CLTCL1: variants seen among roughly 807,000 people sequenced by gnomAD.
CLTCL1 encodes the protein clathrin heavy chain 2.
Under a neutral mutation model 190.0 loss-of-function variants are expected in CLTCL1, and 159 were observed. That is an observed-to-expected ratio of 0.84 (90% confidence interval 0.74 to 0.95). The LOEUF (loss-of-function observed/expected upper bound fraction) is 0.95, where lower values mean the gene tolerates loss of function less well. Ranked by LOEUF, CLTCL1 falls within the 40% of genes least tolerant of loss-of-function variation. The pLI, the probability that CLTCL1 is intolerant of heterozygous loss-of-function variation, is 0.00. For missense variants in CLTCL1, 1,878 were observed against 2,033.4 expected, an observed-to-expected ratio of 0.92 and a Z score of 1.47; for synonymous variants, 752 against 769.6, an observed-to-expected ratio of 0.98 and a Z score of 0.38.
intron 13 of CLTCL1, among the ~76,000 whole-genome samples, chr22:19,225,145 C>T (rs769797136): frequency 4.6e-5 from 7 of 152,326 alleles, no homozygotes; most frequent in East Asian, 1.9e-4. Flanking sequence ...ACTGTACCCA[C>T]GACACAGGCT....
chr22:19,187,935 G>GA (rs781968207), intron 28 of CLTCL1, 46 bp downstream of exon 28: 261 of 1,559,972 alleles, frequency 1.7e-4, no homozygotes, highest in Non-Finnish European at 2.1e-4. Flanking sequence ...AGTTGCAGGG[G>GA]AGGAGCCCAG....
intron 26 of CLTCL1, among the ~76,000 whole-genome samples, chr22:19,191,705 A>T (rs1371445478): frequency 6.6e-6 from 1 of 152,102 alleles, no homozygotes; most frequent in Non-Finnish European, 1.5e-5. Context: ...AGGGTCCACG[A>T]TCACTCAGTA....
rs1041665106 is a variant in CLTCL1, at chr22:19,216,113, G to A, written c.3063C>T (p.His1021=). Reference sequence around the variant, plus strand: ...AGCTACCCCTGGCATAGCCTCACCTGTGCTCGCTGAAGACAGAGTTATCCA... The same window carrying A: ...AGCTACCCCTGGCATAGCCTCACCTATGCTCGCTGAAGACAGAGTTATCCA... ...IVLDNSVFSE[H]RNLQNLLILT... Residue 1021 remains histidine (H), a splice_region_variant and synonymous_variant, in exon 19 of 33, where the codon CAC becomes CAT. Transcript: ENST00000427926. 3 of 1,613,556 alleles carry A rather than the reference G, an allele frequency of 1.9e-6. No homozygotes were observed. The highest frequency in any genetic ancestry group is 1.7e-4 in the Middle Eastern group (1 of 6,050).
At chr22:19,227,449 CTTT>C (rs1216657802) in intron 11 of CLTCL1, among the ~76,000 whole-genome samples, 4 of 125,316 alleles carry the variant, frequency 3.2e-5, no homozygotes, top group Admixed American at 8.1e-5. Flanking sequence ...CACCTGGCTA[CTTT>C]TTTTTTTTTT....
intron 2 of CLTCL1, chr22:19,258,317 G>T: frequency 2.5e-6 from 1 of 402,282 alleles, no homozygotes; most frequent in Non-Finnish European, 4.8e-6. Context: ...TAGAGAAGCT[G>T]GACAGGTACT....
intron 1 of CLTCL1, among the ~76,000 whole-genome samples, chr22:19,282,748 T>G (rs1475440683): frequency 1.3e-5 from 2 of 151,664 alleles, no homozygotes; most frequent in Non-Finnish European, 2.9e-5. Context: ...TACAGGACAA[T>G]CCCACAAAAA....
intron 1 of CLTCL1, among the ~76,000 whole-genome samples, chr22:19,289,379 G>A (rs1255037735): frequency 6.6e-6 from 1 of 152,212 alleles, no homozygotes; most frequent in Non-Finnish European, 1.5e-5. Context: ...GTTAAAAAAT[G>A]TAAGAATATG....
intron 13 of CLTCL1, among the ~76,000 whole-genome samples, chr22:19,224,737 C>T (rs1569193277): frequency 6.6e-6 from 1 of 152,312 alleles, no homozygotes; most frequent in African/African-American, 2.4e-5. Context: ...TCCACTCAAT[C>T]GTCTGCCATG....
At position 19,199,466 on chromosome 22, in the gene CLTCL1, C is replaced by T. The variant is rs1042837960; in HGVS notation, c.3873+268G>A. Among the ~76,000 whole-genome samples, 56 of 152,290 alleles carry T rather than the reference C, an allele frequency of 3.7e-4. No individual in the cohort carries two copies. The Middle Eastern group carries it at 0.01, about 28-fold the overall frequency. ...CCCGTCATGCAAGCCACTGACTGGG[C>T]TTCTGAAGGCCCAATAACACAAGAG... On this transcript the variant is annotated intron_variant, in intron 24 of 32. Coordinates refer to ENST00000427926, the MANE Select transcript of CLTCL1 (RefSeq NM_007098.4).
chr22:19,227,933 G>GA lies in CLTCL1; in HGVS notation c.1783-1551dup. On this transcript the variant is annotated intron_variant, in intron 11 of 32. Transcript: ENST00000427926. ...GTAAGTAATTTTTGGGCTAAGACTGGATAGGTCAACACAGCAGCCTTGCAG... is the reference window on the plus strand; with the variant it reads ...GTAAGTAATTTTTGGGCTAAGACTGGAATAGGTCAACACAGCAGCCTTGCAG... 2.0e-5 allele frequency among the ~76,000 whole-genome samples: 3 copies of GA among 152,300 alleles called. 1 individual carries two copies. Among genetic ancestry groups the GA allele is most frequent in the Admixed American group, 2.0e-4 (3 of 15,300 alleles).
At chr22:19,263,670 C>T (rs144841157) in intron 2 of CLTCL1, among the ~76,000 whole-genome samples, 323 of 152,302 alleles carry the variant, frequency 2.1e-3, no homozygotes, top group African/African-American at 7.3e-3. Flanking sequence ...TCTCCTGCCT[C>T]GGCCTCCCAA....
At chr22:19,277,188 T>C (rs1310439735) in intron 1 of CLTCL1, among the ~76,000 whole-genome samples, 1 of 152,156 alleles carries the variant, frequency 6.6e-6, no homozygotes, top group Non-Finnish European at 1.5e-5. Context: ...TGTTTGTCTT[T>C]TGTAGCAGAG....
At chr22:19,188,397 A>G (rs1313100012) in intron 27 of CLTCL1, among the ~76,000 whole-genome samples, 1 of 152,126 alleles carries the variant, frequency 6.6e-6, no homozygotes, top group Admixed American at 6.5e-5. Context: ...TGTTTACACT[A>G]TGTTGTAGCC....
At chr22:19,224,215 C>T (rs1555954435) in intron 13 of CLTCL1, among the ~76,000 whole-genome samples, 161 bp from the exon 14 acceptor site, 1 of 152,118 alleles carries the variant, frequency 6.6e-6, no homozygotes, top group African/African-American at 2.4e-5. Context: ...TGGCAGCTCC[C>T]AAAAATAGCT....
Position 19,226,239 on chromosome 22 carries a change from T to C in CLTCL1, c.1927A>G (p.Thr643Ala). The part of the protein sequence containing the change: ...LYDIKRAVVH[T>A]HLLNPEWLVN... ...AGTACCTCGGGATTGAGGAGGTGAG[T>C]GTGGACCACAGCCCTCTTGATGTCA... The change falls in exon 12 of 33, where the codon ACT (threonine) becomes GCT (alanine). Residue 643 changes from threonine to alanine, a missense_variant. Transcript: ENST00000427926. The C allele has an allele frequency of 3.1e-6, 5 of 1,613,664 alleles. No individual in the cohort carries two copies. The highest frequency in any genetic ancestry group is 4.2e-6 in the Non-Finnish European group (5 of 1,179,782).
chr22:19,282,648 G>GA (rs1555987526), intron 1 of CLTCL1, among the ~76,000 whole-genome samples: 1 of 150,920 alleles, frequency 6.6e-6, no homozygotes, highest in East Asian at 2.0e-4. Flanking sequence ...AAAAGAAAAA[G>GA]AAAAAGAAAA....
chr22:19,275,555 C>G, intron 2 of CLTCL1, 68 bp downstream of exon 2: 1 of 1,443,652 alleles, frequency 6.9e-7, no homozygotes, highest in Non-Finnish European at 9.5e-7. Context: ...GACACTTGTT[C>G]AATATTTAAG....
intron 29 of CLTCL1, among the ~76,000 whole-genome samples, chr22:19,185,679 C>A (rs554483434): frequency 2.0e-5 from 3 of 152,218 alleles, no homozygotes; most frequent in Non-Finnish European, 4.4e-5. Context: ...CTCTTCTGGG[C>A]CCACGTGGCT....
intron 26 of CLTCL1, among the ~76,000 whole-genome samples, 185 bp downstream of exon 26, chr22:19,196,081 G>A (rs2084692878): frequency 6.6e-6 from 1 of 152,152 alleles, no homozygotes; most frequent in South Asian, 2.1e-4. Context: ...CTTCTTAAGT[G>A]TCAGTTCCCT....
Sources: gnomAD v4.1 joint callset for allele counts (sites outside exome capture counted in the v4.1 genomes callset) on GRCh38, gnomAD v4.1.1 for gene constraint, MANE v1.5 for transcripts, NCBI Gene and HGNC (gene_info 2026-07-23, HGNC 2026-07-21) for gene names.